DNAH11: variants seen among roughly 807,000 people sequenced by gnomAD.
The protein encoded by DNAH11 is axonemal beta dynein heavy chain 11.
A neutral mutation model predicts 526.0 loss-of-function variants in DNAH11; 442 were observed. The observed-to-expected ratio is 0.84, with a 90% CI of 0.78 to 0.91. The LOEUF is 0.91. DNAH11 is among the 40% of genes least tolerant of loss of function. DNAH11 has a pLI of 0.00. For missense variants in DNAH11, 6,989 were observed against 5,448.7 expected (o/e 1.28, Z -8.90); for synonymous variants, 2,461 against 1,935.9 (o/e 1.27, Z -7.12).
intron 68 of DNAH11, among the ~76,000 whole-genome samples, chr7:21,854,701 C>G (rs1288318240): frequency 1.3e-5 from 2 of 152,052 alleles, no homozygotes; most frequent in African/African-American, 4.8e-5. Flanking sequence ...CGCCACCACA[C>G]CTGGCTAATT....
At chr7:21,835,648 G>A (rs1007570729) in intron 65 of DNAH11, among the ~76,000 whole-genome samples, 4 of 152,068 alleles carry the variant, frequency 2.6e-5, no homozygotes, top group African/African-American at 9.7e-5. Flanking sequence ...CAAACCCACA[G>A]CTAACATATT....
In DNAH11 at chr7:21,590,355, G is replaced by A. The variant is rs539757697; in HGVS notation, c.2170-563G>A. On this transcript the variant is annotated intron_variant, in intron 12 of 81. Transcript: ENST00000409508. ...CCATGGGTATGCTTTAGGGTAAGGG[G>A]CAAGCTTATAAGAATATCTATTTGT... Among the ~76,000 whole-genome samples the A allele has an allele frequency of 5.9e-5, 9 of 152,262 alleles. No individual in the cohort carries two copies. In the East Asian group the frequency reaches 1.5e-3, roughly 26 times the overall value.
chr7:21,795,685 T>C (rs1788678738), intron 61 of DNAH11, among the ~76,000 whole-genome samples: 1 of 152,238 alleles, frequency 6.6e-6, no homozygotes, highest in South Asian at 2.1e-4. Flanking sequence ...AACACTGGAC[T>C]AGGCACTGGA....
rs751430515 is a variant in DNAH11, at chr7:21,867,863, T to G, written c.11695T>G (p.Phe3899Val). ...PDRMTYALRN[F>V]VEEKLGAKYV... ...TTATATTCTTGTTTTTTATAGAAATTTTGTAGAGGAAAAACTGGGTGCGAA... is the reference window on the plus strand; with the variant it reads ...TTATATTCTTGTTTTTTATAGAAATGTTGTAGAGGAAAAACTGGGTGCGAA... Residue 3899 changes from phenylalanine to valine, a missense_variant, in exon 72 of 82, where the codon TTT (phenylalanine) becomes GTT (valine). Phe to Val is a conservative substitution (Grantham distance 50). Coordinates refer to ENST00000409508, the MANE Select transcript of DNAH11 (RefSeq NM_001277115.2). The G allele has an allele frequency of 5.7e-5, 90 of 1,568,654 alleles. No homozygotes were observed. Among genetic ancestry groups the G allele is most frequent in the Non-Finnish European group, 7.8e-5 (90 of 1,155,588 alleles).
Position 21,620,006 on chromosome 7 carries a change from A to G in DNAH11, c.4428A>G (p.Glu1476=), listed in dbSNP as rs145522272. 2.5e-6 allele frequency: 4 copies of G among 1,609,774 alleles called. No homozygotes were observed. The African/African-American group carries it at 4.0e-5, about 16-fold the overall frequency. The change falls in exon 25 of 82, where the codon GAA becomes GAG. Residue 1476 remains glutamate (E), a synonymous_variant. Transcript: ENST00000409508. ...QTWATMKFSY[E]VHYRTGIPLL... ...GGGCAACCATGAAGTTTTCTTACGA[A>G]GTTCACTATCGAACAGGCATTCCAT...
intron 20 of DNAH11, among the ~76,000 whole-genome samples, chr7:21,610,403 A>G (rs376201478): frequency 6.6e-6 from 1 of 152,218 alleles, no homozygotes. Context: ...GTATCTTCCT[A>G]GTAACTAGTA....
chr7:21,543,686 C>T, intron 1 of DNAH11, 90 bp downstream of exon 1: 5 of 1,409,526 alleles, frequency 3.5e-6, no homozygotes, highest in Non-Finnish European at 9.5e-7. Context: ...TCCCGCGGGG[C>T]GCTCACTCGG....
intron 79 of DNAH11, among the ~76,000 whole-genome samples, chr7:21,896,903 TAATAAAATA>T (rs199637627): frequency 0.013 from 1,920 of 152,000 alleles, 34 homozygotes; most frequent in African/African-American, 0.044. Flanking sequence ...TAAAAAACAA[TAATAAAATA>T]AATAAAATAA....
chr7:21,687,229 A>G lies in DNAH11; in HGVS notation c.5752A>G (p.Asn1918Asp), dbSNP rs762939189. The change falls in exon 33 of 82, where the codon AAC (asparagine) becomes GAC (aspartate). Residue 1918 changes from asparagine (N) to aspartate (D), a missense_variant. Coordinates refer to ENST00000409508, the MANE Select transcript of DNAH11 (RefSeq NM_001277115.2). ...CCTTGGCATGATGGTCTATGTATTC[A>G]ACTGTTCAGAGCAAATGGACTACAA... ...RALGMMVYVF[N>D]CSEQMDYKSI... 6.3e-7 allele frequency: 1 copy of G among 1,599,400 alleles called. No individual in the cohort carries two copies. Among genetic ancestry groups the G allele is most frequent in the South Asian group, 1.1e-5 (1 of 88,098 alleles).
At chr7:21,873,881 C>T (rs1783597030) in intron 74 of DNAH11, among the ~76,000 whole-genome samples, 1 of 147,752 alleles carries the variant, frequency 6.8e-6, no homozygotes, top group Non-Finnish European at 1.5e-5. Context: ...ACTTCCACCT[C>T]CCGGGTTCAA....
At chr7:21,840,347 T>TA (rs1583759116) in intron 65 of DNAH11, among the ~76,000 whole-genome samples, 1 of 152,370 alleles carries the variant, frequency 6.6e-6, no homozygotes, top group East Asian at 1.9e-4. Context: ...CATGGCTATT[T>TA]AAAATAATTT....
At chr7:21,790,589 A>AT (rs1788439014) in intron 61 of DNAH11, among the ~76,000 whole-genome samples, 1 of 152,244 alleles carries the variant, frequency 6.6e-6, no homozygotes, top group South Asian at 2.1e-4. Context: ...AGAAAACACC[A>AT]TGAAATACCG....
chr7:21,754,428 G>C (rs1218782518), intron 54 of DNAH11, among the ~76,000 whole-genome samples: 3 of 152,206 alleles, frequency 2.0e-5, no homozygotes, highest in African/African-American at 7.2e-5. Flanking sequence ...CTTTGGGTCT[G>C]TGTGTAGGCA....
intron 36 of DNAH11, among the ~76,000 whole-genome samples, chr7:21,699,116 G>T (rs1452263852): frequency 6.6e-6 from 1 of 152,036 alleles, no homozygotes; most frequent in African/African-American, 2.4e-5. Flanking sequence ...TAATAAGATA[G>T]GGCAGGAGTG....
chr7:21,699,202 ATTCT>A (rs1193634105), intron 36 of DNAH11, among the ~76,000 whole-genome samples: 3 of 152,126 alleles, frequency 2.0e-5, no homozygotes, highest in African/African-American at 4.8e-5. Flanking sequence ...TTTATTGGTA[ATTCT>A]TTATTTAAAG....
intron 45 of DNAH11, among the ~76,000 whole-genome samples, chr7:21,735,202 G>T (rs938040585): frequency 7.2e-5 from 11 of 152,136 alleles, no homozygotes; most frequent in African/African-American, 2.7e-4. Context: ...TAAGGCATTG[G>T]TCCCGATTTT....
intron 25 of DNAH11, among the ~76,000 whole-genome samples, chr7:21,630,003 G>T (rs1438780161): frequency 4.0e-5 from 6 of 151,530 alleles, no homozygotes; most frequent in African/African-American, 1.2e-4. Flanking sequence ...CTTTTTTACT[G>T]CCTTCCTTTA....
At chr7:21,896,618 T>G (rs1784524112) in intron 79 of DNAH11, among the ~76,000 whole-genome samples, 1 of 152,272 alleles carries the variant, frequency 6.6e-6, no homozygotes, top group South Asian at 2.1e-4. Context: ...CACTTTTTTC[T>G]CTGAATATCG....
intron 35 of DNAH11, 45 bp from the exon 36 acceptor site, chr7:21,698,030 T>A: frequency 6.4e-7 from 1 of 1,567,818 alleles, no homozygotes; most frequent in Non-Finnish European, 8.7e-7. Context: ...TTTGTACTTA[T>A]CACCTTGTCA....
Sources: allele counts gnomAD v4.1 joint callset (sites outside exome capture counted in the v4.1 genomes callset), GRCh38; gene constraint gnomAD v4.1.1; transcripts MANE v1.5; gene names NCBI Gene and HGNC (gene_info 2026-07-23, HGNC 2026-07-21).